The following GPC5 variants were observed in gnomAD, a reference collection of about 807,000 sequenced individuals.
GPC5 encodes glypican-5.
A neutral mutation model predicts 53.9 loss-of-function variants in GPC5; 47 were observed. The ratio of observed to expected loss-of-function variants is 0.87; its 90% confidence interval spans 0.69 to 1.11. The LOEUF is 1.11. Ranked by LOEUF, GPC5 falls within the 50% of genes most tolerant of loss-of-function variation. The pLI is 0.00. For synonymous variants in GPC5, 286 were observed against 263.3 expected (o/e 1.09, Z -0.84); for missense variants, 748 against 713.1 (o/e 1.05, Z -0.56).
At chr13:91,543,339 T>C (rs1242947413) in intron 2 of GPC5, among the ~76,000 whole-genome samples, 6 of 152,188 alleles carry the variant, frequency 3.9e-5, no homozygotes, top group Non-Finnish European at 8.8e-5. Flanking sequence ...TATATAATCT[T>C]ACATCAAGGT....
chr13:91,521,115 A>G (rs1156659504), intron 2 of GPC5, among the ~76,000 whole-genome samples: 1 of 152,144 alleles, frequency 6.6e-6, no homozygotes, highest in Non-Finnish European at 1.5e-5. Context: ...ACAGGGCCAA[A>G]CCACTTGTTT....
chr13:91,586,081 G>T (rs958522315), intron 2 of GPC5, among the ~76,000 whole-genome samples: 2 of 143,940 alleles, frequency 1.4e-5, no homozygotes, highest in Non-Finnish European at 3.0e-5. Context: ...TCTTATTCAA[G>T]ATAAACATTG....
At chr13:92,756,499 T>A (rs34510448) in intron 7 of GPC5, among the ~76,000 whole-genome samples, 9,792 of 151,750 alleles carry the variant, frequency 0.065, 800 homozygotes, top group East Asian at 0.36. Context: ...GGCAGGAGAA[T>A]GAAATAAAGG....
At chr13:91,503,673 C>T (rs1196185334) in intron 2 of GPC5, among the ~76,000 whole-genome samples, 7 of 151,020 alleles carry the variant, frequency 4.6e-5, no homozygotes, top group Admixed American at 2.0e-4. Flanking sequence ...CCTGCTTCTT[C>T]GTAGGCTGAG....
At chr13:91,477,280 G>A (rs1012880564) in intron 2 of GPC5, among the ~76,000 whole-genome samples, 2 of 152,148 alleles carry the variant, frequency 1.3e-5, no homozygotes, top group Admixed American at 6.6e-5. Flanking sequence ...GAGACAAGGA[G>A]GGATTTATCT....
At chr13:91,401,421 G>A (rs1370140211) in intron 1 of GPC5, among the ~76,000 whole-genome samples, 1 of 151,822 alleles carries the variant, frequency 6.6e-6, no homozygotes, top group Non-Finnish European at 1.5e-5. Context: ...TATGGTAATT[G>A]ACTATCATAT....
At chr13:92,446,917 A>G (rs1009250982) in intron 7 of GPC5, 1 of 152,048 alleles carries the variant, frequency 6.6e-6, no homozygotes, top group Admixed American at 6.6e-5. Flanking sequence ...GCTGTTTTCC[A>G]TTTGTATGTC....
At chr13:92,591,805 A>T (rs1169129983) in intron 7 of GPC5, among the ~76,000 whole-genome samples, 1 of 152,002 alleles carries the variant, frequency 6.6e-6, no homozygotes, top group East Asian at 1.9e-4. Flanking sequence ...CTTCTATGAG[A>T]TCAACTTTTT....
chr13:92,692,455 C>G (rs1443243311), intron 7 of GPC5, among the ~76,000 whole-genome samples: 1 of 148,916 alleles, frequency 6.7e-6, no homozygotes, highest in African/African-American at 2.5e-5. Flanking sequence ...CTCCAAACTG[C>G]TCTCCACAGT....
intron 7 of GPC5, among the ~76,000 whole-genome samples, chr13:92,222,458 G>C (rs2042456621): frequency 1.3e-5 from 2 of 152,174 alleles, no homozygotes; most frequent in African/African-American, 4.8e-5. Flanking sequence ...AGAGACAACA[G>C]ATGGTCAAAG....
chr13:91,903,785 T>C (rs1333899297), intron 5 of GPC5, among the ~76,000 whole-genome samples: 1 of 152,126 alleles, frequency 6.6e-6, no homozygotes, highest in Non-Finnish European at 1.5e-5. Flanking sequence ...AATATTATTT[T>C]ACTGTATTAG....
intron 7 of GPC5, among the ~76,000 whole-genome samples, chr13:92,400,836 C>T (rs1409639519): frequency 6.6e-6 from 1 of 152,134 alleles, no homozygotes; most frequent in Non-Finnish European, 1.5e-5. Flanking sequence ...ACATTTCAAA[C>T]TTACAAATGC....
chr13:91,403,911 G>A (rs1046620511), intron 1 of GPC5, among the ~76,000 whole-genome samples: 6 of 152,088 alleles, frequency 3.9e-5, no homozygotes, highest in African/African-American at 1.4e-4. Flanking sequence ...TAAATCTAGT[G>A]CATCAACTAC....
chr13:91,951,905 A>C (rs2040029089), intron 6 of GPC5, among the ~76,000 whole-genome samples: 1 of 152,170 alleles, frequency 6.6e-6, no homozygotes, highest in South Asian at 2.1e-4. Flanking sequence ...ACTTCCAACA[A>C]GAAAGTTTTC....
At chr13:92,349,249 T>G (rs1367986201) in intron 7 of GPC5, among the ~76,000 whole-genome samples, 2 of 152,124 alleles carry the variant, frequency 1.3e-5, no homozygotes, top group Non-Finnish European at 2.9e-5. Flanking sequence ...GTTCAAGCAA[T>G]TCTCCTATCT....
At chr13:91,687,951 C>G (rs1239232842) in intron 2 of GPC5, among the ~76,000 whole-genome samples, 2 of 152,010 alleles carry the variant, frequency 1.3e-5, no homozygotes, top group Non-Finnish European at 2.9e-5. Flanking sequence ...TTGTTCAGCA[C>G]CTTACCTATC....
At chr13:91,940,812 C>T (rs1434611611) in intron 6 of GPC5, among the ~76,000 whole-genome samples, 1 of 151,940 alleles carries the variant, frequency 6.6e-6, no homozygotes, top group Admixed American at 6.6e-5. Flanking sequence ...AGCGTCTGTT[C>T]GTGTCCTTAG....
chr13:92,179,658 T>C (rs1365350569), intron 7 of GPC5, among the ~76,000 whole-genome samples: 1 of 152,236 alleles, frequency 6.6e-6, no homozygotes, highest in Non-Finnish European at 1.5e-5. Context: ...AGATTACTTA[T>C]ACTATAATGT....
chr13:91,516,328 A>G (rs367873268), intron 2 of GPC5, among the ~76,000 whole-genome samples: 2 of 152,186 alleles, frequency 1.3e-5, no homozygotes, highest in South Asian at 4.1e-4. Flanking sequence ...AGGTAAATAC[A>G]GCTGTTCCAA....
Sources: gnomAD v4.1 joint callset for allele counts (sites outside exome capture counted in the v4.1 genomes callset) on GRCh38, gnomAD v4.1.1 for gene constraint, MANE v1.5 for transcripts, NCBI Gene and HGNC (gene_info 2026-07-23, HGNC 2026-07-21) for gene names.